Variants in CTIF observed in about 807,000 individuals in gnomAD.
The protein encoded by CTIF is cap binding complex dependent translation initiation factor, also known as CBP80/20-dependent translation initiation factor.
Under a neutral mutation model 66.0 loss-of-function variants are expected in CTIF, and 21 were observed. That is an observed-to-expected ratio of 0.32 (90% CI 0.23 to 0.46). CTIF has a LOEUF of 0.46. Ranked by LOEUF, CTIF falls within the 20% of genes least tolerant of loss-of-function variation. The pLI is 1.00. For missense variants in CTIF, 739 were observed against 812.7 expected, an observed-to-expected ratio of 0.91 and a Z score of 1.10; for synonymous variants, 345 against 326.4, an observed-to-expected ratio of 1.06 and a Z score of -0.62.
chr18:48,647,094 G>C (rs4939789), intron 3 of CTIF, among the ~76,000 whole-genome samples: 90,388 of 152,064 alleles, frequency 0.59, 30,542 homozygotes, highest in East Asian at 0.94. Context: ...TTCAGCAGAT[G>C]AATGGTTAAA....
At chr18:48,605,234 G>A (rs2090181174) in intron 1 of CTIF, among the ~76,000 whole-genome samples, 1 of 152,156 alleles carries the variant, frequency 6.6e-6, no homozygotes, top group African/African-American at 2.4e-5. Flanking sequence ...TGCACCATCT[G>A]ACATTCCCAT....
intron 7 of CTIF, among the ~76,000 whole-genome samples, chr18:48,712,942 T>C (rs576729230): frequency 2.0e-5 from 3 of 152,336 alleles, no homozygotes; most frequent in Admixed American, 6.5e-5. Context: ...AAGAAGGCAG[T>C]GTCCTGGCTT....
At chr18:48,749,384 GTGA>G (rs1907574656) in intron 7 of CTIF, among the ~76,000 whole-genome samples, 1 of 152,218 alleles carries the variant, frequency 6.6e-6, no homozygotes, top group South Asian at 2.1e-4. Context: ...TGAATGTTGG[GTGA>G]TGAAGACTTT....
chr18:48,628,985 A>T (rs148352999), intron 2 of CTIF, among the ~76,000 whole-genome samples: 1 of 152,294 alleles, frequency 6.6e-6, no homozygotes, highest in Non-Finnish European at 1.5e-5. Context: ...GGAAGATGTC[A>T]TGCACACTCC....
At chr18:48,777,935 C>T (rs1464101387) in intron 9 of CTIF, among the ~76,000 whole-genome samples, 1 of 152,200 alleles carries the variant, frequency 6.6e-6, no homozygotes, top group Non-Finnish European at 1.5e-5. Flanking sequence ...TCCACACCTG[C>T]CTGGACCCGG....
chr18:48,642,546 GAGAA>G (rs2090954764), intron 3 of CTIF, among the ~76,000 whole-genome samples: 1 of 152,198 alleles, frequency 6.6e-6, no homozygotes, highest in African/African-American at 2.4e-5. Flanking sequence ...GTGGGGGGCT[GAGAA>G]TGGTGAATGC....
chr18:48,574,960 G>T (rs2089497893), intron 1 of CTIF, among the ~76,000 whole-genome samples: 1 of 152,186 alleles, frequency 6.6e-6, no homozygotes, highest in Non-Finnish European at 1.5e-5. Flanking sequence ...GCTGCTTGGA[G>T]GGCCAAATGA....
At position 48,757,626 on chromosome 18, in the gene CTIF, AT is replaced by A. The variant is rs1908517114; in HGVS notation, c.585-289del. ...TGTTATCTGCTACTGGATCTTTTTA[AT>A]TTTGTTCCACATGCTTGCATTCACA... is the stretch of plus-strand genomic sequence containing the variant. On this transcript the variant is annotated intron_variant, in intron 7 of 11. Coordinates refer to ENST00000256413, the MANE Select transcript of CTIF (RefSeq NM_014772.3). Among the ~76,000 whole-genome samples, 4 of 152,266 alleles carry A rather than the reference AT, an allele frequency of 2.6e-5. No individual in the cohort carries two copies. The South Asian group carries it at 8.3e-4, about 32-fold the overall frequency.
At chr18:48,560,867 G>A (rs1233871534) in intron 1 of CTIF, among the ~76,000 whole-genome samples, 4 of 152,116 alleles carry the variant, frequency 2.6e-5, no homozygotes, top group Non-Finnish European at 4.4e-5. Flanking sequence ...ACCACTGCCC[G>A]GCCTATCCTT....
chr18:48,674,611 T>C (rs1217753696), intron 6 of CTIF, among the ~76,000 whole-genome samples: 2 of 152,198 alleles, frequency 1.3e-5, no homozygotes, highest in South Asian at 2.1e-4. Context: ...TCTGGCTGTG[T>C]TTCCACAACT....
intron 11 of CTIF, among the ~76,000 whole-genome samples, chr18:48,858,194 C>T (rs1032187593): frequency 1.3e-5 from 2 of 152,362 alleles, no homozygotes; most frequent in East Asian, 3.9e-4. Context: ...GAGTGGGATG[C>T]AGGCAGGAGA....
chr18:48,843,937 A>G (rs2069009856), intron 10 of CTIF, among the ~76,000 whole-genome samples: 1 of 152,222 alleles, frequency 6.6e-6, no homozygotes, highest in African/African-American at 2.4e-5. Flanking sequence ...TGTGACATGA[A>G]GAGCGTTGCA....
chr18:48,812,016 G>A (rs567523824), intron 9 of CTIF, among the ~76,000 whole-genome samples: 21 of 152,342 alleles, frequency 1.4e-4, no homozygotes, highest in African/African-American at 2.6e-4. Flanking sequence ...AGGCTGGGGT[G>A]CAGTGGCATG....
chr18:48,642,430 G>A (rs945237362), intron 3 of CTIF, among the ~76,000 whole-genome samples: 1 of 152,204 alleles, frequency 6.6e-6, no homozygotes, highest in East Asian at 1.9e-4. Flanking sequence ...GATGAAGAGA[G>A]AAGACATGAT....
chr18:48,757,275 G>C (rs1908462126), intron 7 of CTIF, among the ~76,000 whole-genome samples: 1 of 152,062 alleles, frequency 6.6e-6, no homozygotes, highest in Non-Finnish European at 1.5e-5. Flanking sequence ...GAAGTATTGG[G>C]GGTTAAGGCT....
At chr18:48,676,573 C>G (rs2091632808) in intron 6 of CTIF, among the ~76,000 whole-genome samples, 1 of 152,160 alleles carries the variant, frequency 6.6e-6, no homozygotes, top group South Asian at 2.1e-4. Context: ...GAGCCCTTTG[C>G]TGTGAAAGGG....
At position 48,825,466 on chromosome 18, in the gene CTIF, A is replaced by T. The variant is rs184383560; in HGVS notation, c.1527+8090A>T. On this transcript the variant is annotated intron_variant, in intron 10 of 11. Coordinates refer to ENST00000256413, the MANE Select transcript of CTIF (RefSeq NM_014772.3). ...TGCAACAATGAGAGAGCCACTTTTT[A>T]AACTTTTTGCGTGAGTGTGCATTCA... Among the ~76,000 whole-genome samples the T allele has an allele frequency of 5.6e-4, 85 of 152,294 alleles. No individual in the cohort carries two copies. In the Middle Eastern group the frequency reaches 0.01, roughly 18 times the overall value.
In CTIF at chr18:48,860,009, C is replaced by T. The variant is rs1216554011; in HGVS notation, c.*450C>T. On this transcript the variant is annotated 3_prime_UTR_variant, in exon 12 of 12. Transcript: ENST00000256413. ...CGGAGACGGGCTCGCATTGTTCCCG[C>T]ATGCTGTCAGCCGCAGTCGCCAACT... 1 of 450,902 alleles carries T rather than the reference C, an allele frequency of 2.2e-6. No individual in the cohort carries two copies. Among genetic ancestry groups the T allele is most frequent in the African/African-American group, 2.0e-5 (1 of 50,050 alleles). 27.9% of individuals were successfully genotyped at this position (450,902 alleles called of 1,614,324 possible). A position where few individuals can be genotyped will look rare whatever the true frequency, so the allele number is the denominator to read the frequency against.
chr18:48,579,818 C>G (rs553680756), intron 1 of CTIF, among the ~76,000 whole-genome samples: 1 of 152,342 alleles, frequency 6.6e-6, no homozygotes, highest in African/African-American at 2.4e-5. Context: ...GATCAAAAAA[C>G]CCCACATTAG....
Sources: allele counts gnomAD v4.1 joint callset (sites outside exome capture counted in the v4.1 genomes callset), GRCh38; gene constraint gnomAD v4.1.1; transcripts MANE v1.5; gene names NCBI Gene and HGNC (gene_info 2026-07-23, HGNC 2026-07-21).